Variants in KCNJ3 observed in about 807,000 individuals in gnomAD.
KCNJ3 encodes G protein-activated inward rectifier potassium channel 1.
Under a neutral mutation model 39.2 loss-of-function variants are expected in KCNJ3, and 4 were observed. That is an observed-to-expected ratio of 0.10 (90% CI 0.05 to 0.23). KCNJ3 has a LOEUF of 0.23. Ranked by LOEUF, KCNJ3 falls within the 10% of genes least tolerant of loss-of-function variation. The pLI, the probability that KCNJ3 is intolerant of heterozygous loss-of-function variation, is 1.00. For missense variants in KCNJ3, 276 were observed against 634.9 expected (o/e 0.43, Z 6.08); for synonymous variants, 230 against 237.4 (o/e 0.97, Z 0.29).
chr2:154,808,188 C>A (rs941246242), intron 2 of KCNJ3, among the ~76,000 whole-genome samples: 4 of 151,350 alleles, frequency 2.6e-5, no homozygotes, highest in African/African-American at 9.7e-5. Flanking sequence ...TCAGGCAATT[C>A]TCCCTGCCTC....
intron 2 of KCNJ3, among the ~76,000 whole-genome samples, chr2:154,840,226 G>A (rs1476429458): frequency 6.6e-6 from 1 of 152,052 alleles, no homozygotes; most frequent in African/African-American, 2.4e-5. Flanking sequence ...TTTTTGTCAG[G>A]TTTGTCAAAG....
intron 1 of KCNJ3, 148 bp from the exon 2 acceptor site, chr2:154,709,455 A>G: frequency 1.3e-6 from 1 of 770,456 alleles, no homozygotes; most frequent in Non-Finnish European, 2.1e-6. Context: ...CCCATTTGCT[A>G]GAACATAGTT....
At chr2:154,854,596 T>G in intron 2 of KCNJ3, 131 bp from the exon 3 acceptor site, 1 of 611,134 alleles carries the variant, frequency 1.6e-6, no homozygotes, top group East Asian at 2.7e-5. Context: ...TTTAATCTAT[T>G]CTATTATTCG....
rs375975008 is a variant in KCNJ3 at position 154,706,477 on chromosome 2, A to G, written c.703-3126A>G. ...AATATCAGTGGTGCCAATTTATTAT[A>G]TACTCAAATTACAGAAGAAAATTGA... is the stretch of plus-strand genomic sequence containing the variant. On this transcript the variant is annotated intron_variant, in intron 1 of 2. Transcript: ENST00000295101. Among the ~76,000 whole-genome samples the G allele has an allele frequency of 7.2e-5, 11 of 152,294 alleles. No individual in the cohort carries two copies. The East Asian group carries it at 1.7e-3, about 24-fold the overall frequency.
At chr2:154,838,259 T>C (rs1296999638) in intron 2 of KCNJ3, among the ~76,000 whole-genome samples, 1 of 152,122 alleles carries the variant, frequency 6.6e-6, no homozygotes, top group African/African-American at 2.4e-5. Flanking sequence ...CCAAGTAATA[T>C]GAATGGGAAA....
At chr2:154,756,089 A>G (rs1412835134) in intron 2 of KCNJ3, among the ~76,000 whole-genome samples, 1 of 152,068 alleles carries the variant, frequency 6.6e-6, no homozygotes, top group Non-Finnish European at 1.5e-5. Flanking sequence ...ACGGGTTTAG[A>G]TCTTTATGTA....
chr2:154,815,761 G>A (rs1336578152), intron 2 of KCNJ3, among the ~76,000 whole-genome samples: 2 of 152,144 alleles, frequency 1.3e-5, no homozygotes, highest in Non-Finnish European at 2.9e-5. Flanking sequence ...CTCACTGCAG[G>A]CCCTTCAGCC....
intron 2 of KCNJ3, among the ~76,000 whole-genome samples, chr2:154,749,348 A>C (rs1227502396): frequency 6.6e-6 from 1 of 152,046 alleles, no homozygotes; most frequent in Non-Finnish European, 1.5e-5. Flanking sequence ...ATATGCTCAA[A>C]AGTTTTAGCA....
At chr2:154,832,459 T>G (rs1687380380) in intron 2 of KCNJ3, among the ~76,000 whole-genome samples, 1 of 152,200 alleles carries the variant, frequency 6.6e-6, no homozygotes. Context: ...TCTTTTAAGA[T>G]TATAGCATAT....
At chr2:154,818,950 T>TTTTTTTA (rs1558882257) in intron 2 of KCNJ3, among the ~76,000 whole-genome samples, 2 of 115,902 alleles carry the variant, frequency 1.7e-5, no homozygotes, top group Non-Finnish European at 3.5e-5. Context: ...TTTTTTTTTT[T>TTTTTTTA]AATCATCTTG....
intron 2 of KCNJ3, among the ~76,000 whole-genome samples, chr2:154,738,548 T>C (rs1303006913): frequency 6.6e-6 from 1 of 151,976 alleles, no homozygotes; most frequent in Non-Finnish European, 1.5e-5. Flanking sequence ...ATACACCTAC[T>C]ATGTAGCCAC....
chr2:154,717,885 T>C (rs1685207691), intron 2 of KCNJ3, among the ~76,000 whole-genome samples: 1 of 152,230 alleles, frequency 6.6e-6, no homozygotes, highest in South Asian at 2.1e-4. Context: ...AACTACGTAG[T>C]GTTATGGTAA....
At chr2:154,740,557 TC>T (rs934279768) in intron 2 of KCNJ3, among the ~76,000 whole-genome samples, 4 of 151,970 alleles carry the variant, frequency 2.6e-5, no homozygotes, top group Admixed American at 1.3e-4. Context: ...TTAGCATCTG[TC>T]CCCTTGGCAT....
At chr2:154,797,271 G>A (rs945365850) in intron 2 of KCNJ3, among the ~76,000 whole-genome samples, 1 of 152,108 alleles carries the variant, frequency 6.6e-6, no homozygotes, top group African/African-American at 2.4e-5. Context: ...ATGTGTGGTT[G>A]TGTTTCACAA....
intron 2 of KCNJ3, among the ~76,000 whole-genome samples, chr2:154,842,899 GGTCT>G (rs1451144618): frequency 6.6e-6 from 1 of 151,842 alleles, no homozygotes; most frequent in Non-Finnish European, 1.5e-5. Context: ...CCAACTTGCC[GGTCT>G]GTATCTTTTA....
chr2:154,830,815 T>TCAGA (rs1360616627), intron 2 of KCNJ3, among the ~76,000 whole-genome samples: 1 of 152,116 alleles, frequency 6.6e-6, no homozygotes, highest in African/African-American at 2.4e-5. Context: ...TACAAAACTG[T>TCAGA]CAGACAAATT....
At chr2:154,798,580 C>A (rs889825854) in intron 2 of KCNJ3, among the ~76,000 whole-genome samples, 1 of 152,030 alleles carries the variant, frequency 6.6e-6, no homozygotes, top group East Asian at 1.9e-4. Context: ...TGGGATATAT[C>A]GGGATATATC....
intron 2 of KCNJ3, among the ~76,000 whole-genome samples, chr2:154,835,837 C>T (rs996081441): frequency 6.6e-6 from 1 of 152,100 alleles, no homozygotes; most frequent in Non-Finnish European, 1.5e-5. Context: ...TCAAAACATT[C>T]TTCACATATG....
At position 154,699,588 on chromosome 2, in the gene KCNJ3, CAG is replaced by C; in HGVS notation, c.702+112_702+113del. 1 of 1,445,378 alleles carries C rather than the reference CAG, an allele frequency of 6.9e-7. No individual in the cohort carries two copies. The highest frequency in any genetic ancestry group is 1.4e-5 in the South Asian group (1 of 70,082). The allele number at this position is 1,445,378 out of a possible 1,614,324, so 89.5% of individuals were successfully genotyped here. On this transcript the variant is annotated intron_variant, in intron 1 of 2. Coordinates refer to ENST00000295101, the MANE Select transcript of KCNJ3 (RefSeq NM_002239.4). This position sits in a 1 kb window ranked among gnomAD's most constrained non-coding sequence, Gnocchi z 6.4. Reference sequence around the variant, plus strand: ...CCTCCCCTGGTTCTACCTATAGCCACAGGTAAACTTCCTTTTGGGGGGTTGGG... The same window carrying C: ...CCTCCCCTGGTTCTACCTATAGCCACGTAAACTTCCTTTTGGGGGGTTGGG...
Sources: allele counts gnomAD v4.1 joint callset (sites outside exome capture counted in the v4.1 genomes callset), GRCh38; gene constraint gnomAD v4.1.1; non-coding constraint Gnocchi (gnomAD v3.1); transcripts MANE v1.5; gene names NCBI Gene and HGNC (gene_info 2026-07-23, HGNC 2026-07-21).